Variants in ADGRL3 observed in about 807,000 individuals in gnomAD.
The protein encoded by ADGRL3 is adhesion G protein-coupled receptor L3.
ADGRL3 carries 62 observed loss-of-function variants against 153.5 expected under a neutral mutation model. The observed-to-expected ratio is 0.40, with a 90% CI of 0.33 to 0.50. ADGRL3 has a LOEUF of 0.50. Among genes scored for constraint, ADGRL3 ranks in the 20% least tolerant of loss-of-function variants. The probability of loss-of-function intolerance (pLI) is 0.47; values close to 1 mark genes in which losing one functional copy is unlikely to be tolerated. For synonymous variants in ADGRL3, 710 were observed against 672.5 expected (o/e 1.06, Z -0.86); for missense variants, 1,641 against 1,859.4 (o/e 0.88, Z 2.16).
rs1333011241 is a variant in ADGRL3, at chr4:61,958,377, GTTTCT to G, written c.2805+10104_2805+10108del. The stretch of plus-strand genomic sequence containing the variant: ...GTTTATTAATGCTAATGTTGTAAAG[GTTTCT>G]TTCTTTCTTTCTTTCTTTCTTTCTT... On this transcript the variant is annotated intron_variant, in intron 17 of 26. Transcript: ENST00000683033. Among the ~76,000 whole-genome samples the G allele has an allele frequency of 7.0e-3, 1,037 of 148,168 alleles. 4 individuals carry two copies. The highest frequency in any genetic ancestry group is 0.024 in the Middle Eastern group (7 of 292).
intron 8 of ADGRL3, among the ~76,000 whole-genome samples, chr4:61,776,047 C>T (rs2097145989): frequency 6.6e-6 from 1 of 152,012 alleles, no homozygotes; most frequent in Admixed American, 6.6e-5. Context: ...ACTCCAGGCG[C>T]CCGCCACCAC....
intron 19 of ADGRL3, among the ~76,000 whole-genome samples, chr4:61,989,398 A>G (rs2099096380): frequency 6.6e-6 from 1 of 152,070 alleles, no homozygotes; most frequent in African/African-American, 2.4e-5. Context: ...GTGTTTGACT[A>G]TAGCTTGGCC....
At chr4:62,008,247 T>C (rs1458848173) in intron 21 of ADGRL3, among the ~76,000 whole-genome samples, 1 of 152,112 alleles carries the variant, frequency 6.6e-6, no homozygotes, top group Non-Finnish European at 1.5e-5. Context: ...TGATAATAAT[T>C]GGTTTGTTTT....
intron 5 of ADGRL3, among the ~76,000 whole-genome samples, chr4:61,670,168 C>A (rs930008388): frequency 6.6e-6 from 1 of 152,022 alleles, no homozygotes; most frequent in African/African-American, 2.4e-5. Flanking sequence ...GTGTCATGCA[C>A]CTTGAGTCCC....
At chr4:61,368,935 G>C (rs2096464085) in intron 1 of ADGRL3, among the ~76,000 whole-genome samples, 1 of 152,110 alleles carries the variant, frequency 6.6e-6, no homozygotes, top group South Asian at 2.1e-4. Context: ...TCCTTGAAGA[G>C]GTCCTTCACA....
intron 1 of ADGRL3, among the ~76,000 whole-genome samples, chr4:61,369,936 C>A (rs865923777): frequency 1.1e-3 from 172 of 152,172 alleles, no homozygotes; most frequent in African/African-American, 3.6e-3. Flanking sequence ...AGAGATTCAA[C>A]TTCTTCCTGG....
At chr4:61,325,260 T>C (rs1371450058) in intron 1 of ADGRL3, among the ~76,000 whole-genome samples, 1 of 152,122 alleles carries the variant, frequency 6.6e-6, no homozygotes, top group Non-Finnish European at 1.5e-5. Context: ...TGCAGTGAGC[T>C]GAGATCACTC....
At position 61,783,573 on chromosome 4, in the gene ADGRL3, T is replaced by C. The variant is rs148335340; in HGVS notation, c.1400-30236T>C. 2.1e-3 allele frequency among the ~76,000 whole-genome samples: 313 copies of C among 152,158 alleles called. 3 individuals carry two copies. Among genetic ancestry groups the C allele is most frequent in the African/African-American group, 7.2e-3 (300 of 41,560 alleles). ...AATGAGTTATGACCACACTCAAAAT[T>C]ATTTTATTTTATTTATTCAACATTT... is the stretch of plus-strand genomic sequence containing the variant. On this transcript the variant is annotated intron_variant, in intron 8 of 26. Transcript: ENST00000683033.
chr4:61,928,669 T>C (rs767212975), intron 13 of ADGRL3, among the ~76,000 whole-genome samples: 19 of 152,192 alleles, frequency 1.2e-4, no homozygotes, highest in Non-Finnish European at 8.8e-5. Flanking sequence ...CTGTATGCAC[T>C]ACAATAACCT....
rs181912188 is a variant in ADGRL3 at position 61,668,250 on chromosome 4, A to G, written c.474-8576A>G. Among the ~76,000 whole-genome samples, 1,124 of 152,334 alleles carry G rather than the reference A, an allele frequency of 7.4e-3. 10 individuals are homozygous for G. Among genetic ancestry groups the G allele is most frequent in the Non-Finnish European group, 0.013 (884 of 68,024 alleles). ...AGAAAAGGTGCTGTGTTGTGGGGCC[A>G]CAAGCCGAAGAATGAGGGCACAGCC... On this transcript the variant is annotated intron_variant, in intron 5 of 26. Transcript: ENST00000683033.
intron 9 of ADGRL3, among the ~76,000 whole-genome samples, chr4:61,825,589 T>A (rs1021875092): frequency 6.6e-6 from 1 of 152,192 alleles, no homozygotes; most frequent in African/African-American, 2.4e-5. Flanking sequence ...ATCTCAAATA[T>A]ATGTAAAATA....
intron 3 of ADGRL3, among the ~76,000 whole-genome samples, chr4:61,512,858 A>G (rs535372013): frequency 6.6e-6 from 1 of 152,180 alleles, no homozygotes; most frequent in East Asian, 1.9e-4. Flanking sequence ...TCTCTTTCCA[A>G]GAGATACTAC....
At chr4:61,494,901 T>C (rs2098296767) in intron 2 of ADGRL3, among the ~76,000 whole-genome samples, 2 of 152,140 alleles carry the variant, frequency 1.3e-5, no homozygotes, top group South Asian at 4.1e-4. Context: ...TGGATTCACA[T>C]TGAAAGGATG....
At chr4:61,672,991 T>G (rs2150827378) in intron 5 of ADGRL3, among the ~76,000 whole-genome samples, 1 of 152,104 alleles carries the variant, frequency 6.6e-6, no homozygotes, top group Admixed American at 6.6e-5. Flanking sequence ...AATGGAATAT[T>G]ATTCAGCCTT....
intron 1 of ADGRL3, among the ~76,000 whole-genome samples, chr4:61,241,459 A>G (rs943662039): frequency 2.6e-5 from 4 of 152,058 alleles, no homozygotes; most frequent in Non-Finnish European, 4.4e-5. Context: ...ATCAATACCC[A>G]TGTTAGCTGG....
chr4:61,995,546 A>G (rs1156670465), intron 19 of ADGRL3, among the ~76,000 whole-genome samples: 1 of 152,200 alleles, frequency 6.6e-6, no homozygotes, highest in Non-Finnish European at 1.5e-5. Context: ...CATCAAATGT[A>G]ATTTGTTCAA....
chr4:61,491,179 CT>C (rs1456717306), intron 2 of ADGRL3, among the ~76,000 whole-genome samples: 1 of 152,050 alleles, frequency 6.6e-6, no homozygotes, highest in East Asian at 1.9e-4. Flanking sequence ...TGTAGAACCA[CT>C]TTTGGAACGA....
chr4:61,889,554 T>C (rs534251979), intron 9 of ADGRL3, among the ~76,000 whole-genome samples: 1 of 152,142 alleles, frequency 6.6e-6, no homozygotes, highest in South Asian at 2.1e-4. Flanking sequence ...TGGAAAAAGG[T>C]AGAGAATGAT....
rs543818175 is a variant in ADGRL3, at chr4:61,436,730, C to G, written c.-174+53541C>G. Among the ~76,000 whole-genome samples, 8 of 152,176 alleles carry G rather than the reference C, an allele frequency of 5.3e-5. No homozygotes were observed. In the South Asian group the frequency reaches 1.7e-3, roughly 32 times the overall value. On this transcript the variant is annotated intron_variant, in intron 2 of 26. Coordinates refer to ENST00000683033, the MANE Select transcript of ADGRL3 (RefSeq NM_001387552.1). ...CTTGAAAATACAAAGGTAGAGCAGT[C>G]TCCTTGTAAATGTTGAGGCCAATTT...
Sources: gnomAD v4.1 joint callset for allele counts (sites outside exome capture counted in the v4.1 genomes callset) on GRCh38, gnomAD v4.1.1 for gene constraint, MANE v1.5 for transcripts, NCBI Gene and HGNC (gene_info 2026-07-23, HGNC 2026-07-21) for gene names.